Variants in PIK3CB observed in about 807,000 individuals in gnomAD.
The protein encoded by PIK3CB is phosphatidylinositol-4,5-bisphosphate 3-kinase catalytic subunit beta.
In PIK3CB, 39 loss-of-function variants were observed where a neutral mutation model predicts 136.8. The observed-to-expected ratio is 0.29, with a 90% CI of 0.22 to 0.37. The LOEUF is 0.37. Among genes scored for constraint, PIK3CB ranks in the 10% least tolerant of loss-of-function variants. The probability of loss-of-function intolerance (pLI) is 1.00; values close to 1 mark genes in which losing one functional copy is unlikely to be tolerated. For synonymous variants in PIK3CB, 428 were observed against 436.6 expected, an observed-to-expected ratio of 0.98 and a Z score of 0.25; for missense variants, 868 against 1,275.4, an observed-to-expected ratio of 0.68 and a Z score of 4.87.
intron 2 of PIK3CB, among the ~76,000 whole-genome samples, chr3:138,771,284 G>A (rs548741409): frequency 8.8e-5 from 13 of 148,246 alleles, no homozygotes; most frequent in East Asian, 2.0e-4. Context: ...GTGCAGTGGC[G>A]CGATCTTGGC....
intron 10 of PIK3CB, among the ~76,000 whole-genome samples, chr3:138,710,046 G>T (rs151299157): frequency 3.6e-4 from 54 of 149,212 alleles, no homozygotes; most frequent in African/African-American, 1.2e-3. Flanking sequence ...AAAAAAAGCC[G>T]GGTGTGGTGG....
intron 6 of PIK3CB, among the ~76,000 whole-genome samples, chr3:138,736,085 C>T (rs1029497532): frequency 6.6e-6 from 1 of 152,022 alleles, no homozygotes; most frequent in Non-Finnish European, 1.5e-5. Context: ...TCCTTTACAC[C>T]TCTTAAGGTA....
At chr3:138,751,569 A>G (rs1348629067) in intron 4 of PIK3CB, among the ~76,000 whole-genome samples, 1 of 152,316 alleles carries the variant, frequency 6.6e-6, no homozygotes, top group Admixed American at 6.5e-5. Flanking sequence ...CTAACAGCAA[A>G]GCTTAAATTT....
chr3:138,749,913 G>A lies in PIK3CB; in HGVS notation c.397+5841C>T, dbSNP rs1270543202. Reference sequence around the variant, plus strand: ...GTTTGAGACAGGGTCTCACTCTGTCGCCCAGGCTGGAGTGCAGTGGCATGA... The same window carrying A: ...GTTTGAGACAGGGTCTCACTCTGTCACCCAGGCTGGAGTGCAGTGGCATGA... On this transcript the variant is annotated intron_variant, in intron 4 of 23. Transcript: ENST00000674063. 3.3e-5 allele frequency among the ~76,000 whole-genome samples: 5 copies of A among 152,170 alleles called. No homozygotes were observed. The East Asian group carries it at 5.8e-4, about 18-fold the overall frequency.
intron 15 of PIK3CB, among the ~76,000 whole-genome samples, chr3:138,689,561 G>C (rs554382934): frequency 6.6e-6 from 1 of 152,260 alleles, no homozygotes; most frequent in South Asian, 2.1e-4. Context: ...AAAGTGCTGG[G>C]AACAGGCATG....
At chr3:138,825,438 C>A (rs1933739010) in intron 1 of PIK3CB, 1 of 687,520 alleles carries the variant, frequency 1.5e-6, no homozygotes, top group Non-Finnish European at 2.6e-6. Flanking sequence ...ACAGCCAATA[C>A]AGATATGAGG....
chr3:138,737,659 A>G (rs759516484), intron 6 of PIK3CB, 48 bp downstream of exon 6: 2 of 662,910 alleles, frequency 3.0e-6, no homozygotes. Context: ...ATATATATAT[A>G]TATATACTCA....
chr3:138,763,125 T>C (rs573449422), intron 2 of PIK3CB, among the ~76,000 whole-genome samples: 1 of 143,500 alleles, frequency 7.0e-6, no homozygotes, highest in Non-Finnish European at 1.5e-5. Context: ...AAAGTTAGTA[T>C]GTATGTATGT....
chr3:138,684,317 A>G (rs1272302627), intron 17 of PIK3CB, among the ~76,000 whole-genome samples: 1 of 152,254 alleles, frequency 6.6e-6, no homozygotes. Context: ...AATTTACTAC[A>G]GTTTGCAACA....
chr3:138,806,771 T>C (rs2046238727), intron 1 of PIK3CB, among the ~76,000 whole-genome samples: 1 of 152,204 alleles, frequency 6.6e-6, no homozygotes, highest in Non-Finnish European at 1.5e-5. Flanking sequence ...GGAATCACCC[T>C]GGGAAATAAG....
intron 1 of PIK3CB, among the ~76,000 whole-genome samples, chr3:138,805,319 C>T (rs971159584): frequency 3.6e-4 from 55 of 151,588 alleles, no homozygotes; most frequent in Non-Finnish European, 1.0e-4. Flanking sequence ...GGTGACAGAG[C>T]GAGACTCCAT....
chr3:138,703,642 A>G (rs1020468787), intron 12 of PIK3CB, among the ~76,000 whole-genome samples: 39 of 152,204 alleles, frequency 2.6e-4, no homozygotes, highest in African/African-American at 8.7e-4. Context: ...AGATGTAGAT[A>G]TAGATATAAA....
chr3:138,792,189 C>T (rs1434055256), intron 2 of PIK3CB, among the ~76,000 whole-genome samples: 3 of 151,968 alleles, frequency 2.0e-5, no homozygotes, highest in Non-Finnish European at 2.9e-5. Flanking sequence ...AGTGACACTC[C>T]ATTTCAAAAA....
intron 2 of PIK3CB, among the ~76,000 whole-genome samples, chr3:138,793,201 A>G (rs1047023507): frequency 2.0e-5 from 3 of 152,236 alleles, no homozygotes; most frequent in African/African-American, 7.2e-5. Context: ...TGTGATATGA[A>G]AAGAATTAAA....
At chr3:138,656,908 C>T (rs1446837289) in intron 22 of PIK3CB, among the ~76,000 whole-genome samples, 1 of 152,138 alleles carries the variant, frequency 6.6e-6, no homozygotes, top group Non-Finnish European at 1.5e-5. Flanking sequence ...GCTGAGATTA[C>T]AGGCGTGTGC....
intron 1 of PIK3CB, among the ~76,000 whole-genome samples, chr3:138,809,327 C>T (rs1170751834): frequency 1.3e-5 from 2 of 150,816 alleles, no homozygotes; most frequent in African/African-American, 2.4e-5. Context: ...AAAATTAAGC[C>T]GGGCGCAGTG....
intron 1 of PIK3CB, among the ~76,000 whole-genome samples, chr3:138,804,807 G>A (rs1055906155): frequency 1.3e-5 from 2 of 151,902 alleles, no homozygotes; most frequent in East Asian, 1.9e-4. Context: ...GGCGGATCAC[G>A]AGGTCAGGAG....
intron 1 of PIK3CB, among the ~76,000 whole-genome samples, chr3:138,810,242 T>A (rs1190124556): frequency 6.6e-6 from 1 of 152,122 alleles, no homozygotes; most frequent in Non-Finnish European, 1.5e-5. Context: ...CCACACAGAA[T>A]TCCAAATACT....
intron 4 of PIK3CB, among the ~76,000 whole-genome samples, chr3:138,753,891 T>C (rs2045518295): frequency 6.6e-6 from 1 of 152,206 alleles, no homozygotes; most frequent in Non-Finnish European, 1.5e-5. Flanking sequence ...TAAAAATCAA[T>C]GTGGTTCTGG....
Sources: allele counts gnomAD v4.1 joint callset (sites outside exome capture counted in the v4.1 genomes callset), GRCh38; gene constraint gnomAD v4.1.1; transcripts MANE v1.5; gene names NCBI Gene and HGNC (gene_info 2026-07-23, HGNC 2026-07-21).